PDGFD: variants seen among roughly 807,000 people sequenced by gnomAD.
PDGFD encodes the protein platelet-derived growth factor D.
Under a neutral mutation model 44.7 loss-of-function variants are expected in PDGFD, and 30 were observed. The ratio of observed to expected loss-of-function variants is 0.67; its 90% CI spans 0.50 to 0.91. The LOEUF is 0.91. Among genes scored for constraint, PDGFD ranks in the 40% least tolerant of loss-of-function variants. PDGFD has a pLI of 0.00. For missense variants in PDGFD, 445 were observed against 457.8 expected (o/e 0.97, Z 0.25); for synonymous variants, 173 against 168.4 (o/e 1.03, Z -0.21).
chr11:103,961,917 G>T (rs1333766920), intron 3 of PDGFD, among the ~76,000 whole-genome samples: 1 of 152,112 alleles, frequency 6.6e-6, no homozygotes, highest in East Asian at 1.9e-4. Context: ...TAGGAAACTG[G>T]TTGTTAATAT....
intron 6 of PDGFD, among the ~76,000 whole-genome samples, chr11:103,917,937 C>T (rs76438084): frequency 1.1e-3 from 170 of 152,322 alleles, no homozygotes; most frequent in African/African-American, 3.9e-3. Context: ...ACGGTCTGCA[C>T]ATTCCTTTCA....
In PDGFD at chr11:103,909,509, G is replaced by A. The variant is rs1857994188; in HGVS notation, c.*185C>T. On this transcript the variant is annotated 3_prime_UTR_variant, in exon 7 of 7. Coordinates refer to ENST00000393158, the MANE Select transcript of PDGFD (RefSeq NM_025208.5). Reference sequence around the variant, plus strand: ...CAATCCTATATTCTTAGGTATAGAAGTTGATGATATACCTTTCTACTTGCC... The same window carrying A: ...CAATCCTATATTCTTAGGTATAGAAATTGATGATATACCTTTCTACTTGCC... 4.6e-6 allele frequency: 3 copies of A among 655,652 alleles called. No homozygotes were observed. Among genetic ancestry groups the A allele is most frequent in the Non-Finnish European group, 7.9e-6 (3 of 379,900 alleles). 40.6% of individuals were successfully genotyped at this position (655,652 alleles called of 1,614,324 possible). A position where few individuals can be genotyped will look rare whatever the true frequency, so the allele number is the denominator to read the frequency against.
chr11:104,094,079 A>G (rs1248393084), intron 1 of PDGFD, among the ~76,000 whole-genome samples: 1 of 150,998 alleles, frequency 6.6e-6, no homozygotes, highest in Admixed American at 6.7e-5. Flanking sequence ...CTTAAACCTT[A>G]AACAATCTTT....
intron 5 of PDGFD, among the ~76,000 whole-genome samples, chr11:103,935,725 G>C (rs1287458369): frequency 1.3e-5 from 2 of 152,168 alleles, no homozygotes; most frequent in East Asian, 1.9e-4. Context: ...TCTGTGCAGA[G>C]TTTTGCAAGC....
At chr11:103,943,372 A>G in intron 5 of PDGFD, 80 bp downstream of exon 5, 1 of 1,340,888 alleles carries the variant, frequency 7.5e-7, no homozygotes, top group Non-Finnish European at 1.0e-6. Context: ...GGTTTCAAAT[A>G]CTTTGGATAA....
intron 1 of PDGFD, among the ~76,000 whole-genome samples, chr11:104,079,086 A>G (rs1861007895): frequency 2.0e-5 from 3 of 152,216 alleles, no homozygotes; most frequent in Admixed American, 1.3e-4. Context: ...AATTCTGACA[A>G]TATCAGAAAC....
At chr11:104,057,939 T>C (rs528211485) in intron 1 of PDGFD, among the ~76,000 whole-genome samples, 13 of 152,174 alleles carry the variant, frequency 8.5e-5, no homozygotes, top group Non-Finnish European at 1.9e-4. Flanking sequence ...TTCAATAAAT[T>C]GTGCTAGAAC....
At chr11:103,999,775 A>T (rs973973585) in intron 2 of PDGFD, among the ~76,000 whole-genome samples, 3 of 152,190 alleles carry the variant, frequency 2.0e-5, no homozygotes, top group Non-Finnish European at 4.4e-5. Flanking sequence ...TGCCTGGAAA[A>T]GGAGAGGACC....
At chr11:103,945,041 C>T (rs1858648754) in intron 4 of PDGFD, among the ~76,000 whole-genome samples, 3 of 152,022 alleles carry the variant, frequency 2.0e-5, no homozygotes, top group African/African-American at 7.3e-5. Context: ...ATGCTACATT[C>T]ATTACCTTAT....
chr11:103,928,983 G>A (rs1450074504), intron 5 of PDGFD, among the ~76,000 whole-genome samples: 3 of 152,156 alleles, frequency 2.0e-5, no homozygotes, highest in Non-Finnish European at 2.9e-5. Context: ...ATAATGGGAA[G>A]ATATTTGTCT....
rs1565286292 is a variant in PDGFD, at chr11:103,926,943, T to C, written c.956A>G (p.Asn319Ser). Residue 319 changes from asparagine (N) to serine (S), a missense_variant, in exon 6 of 7, where the codon AAT becomes AGT. Coordinates refer to ENST00000393158, the MANE Select transcript of PDGFD (RefSeq NM_025208.5). ...GTVNWRSCTC[N>S]SGKTVKKYHE... is the part of the protein sequence containing the mutation. Reference sequence around the variant, plus strand: ...ATACTTTTTCACGGTTTTCCCTGAATTGCATGTGCAGGACCTCCAGTTGAC... The same window carrying C: ...ATACTTTTTCACGGTTTTCCCTGAACTGCATGTGCAGGACCTCCAGTTGAC... 1 of 1,614,156 alleles carries C rather than the reference T, an allele frequency of 6.2e-7. No individual in the cohort carries two copies. The highest frequency in any genetic ancestry group is 2.2e-5 in the East Asian group (1 of 44,876).
intron 3 of PDGFD, among the ~76,000 whole-genome samples, chr11:103,987,065 A>ACCCCCC (rs10565380): frequency 1.3e-4 from 19 of 141,692 alleles, no homozygotes; most frequent in East Asian, 2.2e-4. Context: ...CCACTTTCCA[A>ACCCCCC]CCCCCCCCCA....
chr11:103,944,619 T>G (rs1245593495), intron 4 of PDGFD, among the ~76,000 whole-genome samples: 5 of 152,180 alleles, frequency 3.3e-5, no homozygotes, highest in Admixed American at 1.3e-4. Context: ...TAATGAAAAC[T>G]TGCTTTCCTA....
At chr11:103,977,264 C>T (rs1859198388) in intron 3 of PDGFD, among the ~76,000 whole-genome samples, 1 of 152,046 alleles carries the variant, frequency 6.6e-6, no homozygotes, top group African/African-American at 2.4e-5. Context: ...ACCAGAGGTA[C>T]AAAGAGGAGC....
At chr11:104,032,157 TA>T (rs1860136315) in intron 1 of PDGFD, among the ~76,000 whole-genome samples, 1 of 150,664 alleles carries the variant, frequency 6.6e-6, no homozygotes, top group Admixed American at 6.6e-5. Context: ...TAAAATAAAT[TA>T]AAAAGAAATA....
At chr11:103,948,163 A>G (rs746892991) in intron 3 of PDGFD, among the ~76,000 whole-genome samples, 4 of 152,224 alleles carry the variant, frequency 2.6e-5, no homozygotes, top group Admixed American at 2.6e-4. Flanking sequence ...TTATTGACAT[A>G]TAGTTGGTTT....
chr11:103,972,398 G>A (rs1320495281), intron 3 of PDGFD, among the ~76,000 whole-genome samples: 1 of 152,140 alleles, frequency 6.6e-6, no homozygotes, highest in Non-Finnish European at 1.5e-5. Flanking sequence ...GAGCAAGGTG[G>A]CACAGGGTAA....
intron 6 of PDGFD, among the ~76,000 whole-genome samples, chr11:103,910,837 T>C (rs1360159149): frequency 6.6e-6 from 1 of 152,228 alleles, no homozygotes; most frequent in African/African-American, 2.4e-5. Context: ...TGGCTTGAAA[T>C]TCTCCTGCCA....
At chr11:104,029,520 AC>A (rs897116558) in intron 1 of PDGFD, among the ~76,000 whole-genome samples, 1 of 152,230 alleles carries the variant, frequency 6.6e-6, no homozygotes, top group African/African-American at 2.4e-5. Context: ...TGGAAACATT[AC>A]CTATCATGTA....
Sources: allele counts gnomAD v4.1 joint callset (sites outside exome capture counted in the v4.1 genomes callset), GRCh38; gene constraint gnomAD v4.1.1; transcripts MANE v1.5; gene names NCBI Gene and HGNC (gene_info 2026-07-23, HGNC 2026-07-21).